Variants in UNC80 observed in about 807,000 individuals in gnomAD.
The protein encoded by UNC80 is unc-80 subunit of NALCN channel complex.
UNC80 carries 164 observed loss-of-function variants against 384.6 expected under a neutral mutation model. The ratio of observed to expected loss-of-function variants is 0.43; its 90% CI spans 0.38 to 0.49. UNC80 has a LOEUF of 0.49. Ranked by LOEUF, UNC80 falls within the 20% of genes least tolerant of loss-of-function variation. The pLI is 0.00. For synonymous variants in UNC80, 1,486 were observed against 1,527.8 expected, an observed-to-expected ratio of 0.97 and a Z score of 0.64; for missense variants, 3,330 against 4,143.0, an observed-to-expected ratio of 0.80 and a Z score of 5.39.
At chr2:209,904,032 A>G (rs2087870318) in intron 28 of UNC80, among the ~76,000 whole-genome samples, 1 of 152,182 alleles carries the variant, frequency 6.6e-6, no homozygotes, top group Non-Finnish European at 1.5e-5. Flanking sequence ...GCCTTTTAAG[A>G]AAAGCTCCTT....
In UNC80 at chr2:209,976,060, G is replaced by A. The variant is rs915603984; in HGVS notation, c.8588-59G>A. On this transcript the variant is annotated intron_variant, in intron 56 of 64. Transcript: ENST00000673920. This position sits in a 1 kb window ranked among gnomAD's most constrained non-coding sequence, Gnocchi z 4.3. ...GGTGCATAAAGGGCTCTGGATGTAGGTTGGGTTCCTCGGAAGCACACGTCC... is the reference window on the plus strand; with the variant it reads ...GGTGCATAAAGGGCTCTGGATGTAGATTGGGTTCCTCGGAAGCACACGTCC... The A allele has an allele frequency of 6.7e-7, 1 of 1,495,156 alleles. No homozygotes were observed. The highest frequency in any genetic ancestry group is 8.9e-7 in the Non-Finnish European group (1 of 1,121,640). 92.6% of individuals were successfully genotyped at this position (1,495,156 alleles called of 1,614,324 possible).
At chr2:209,772,974 G>A in intron 1 of UNC80, 120 bp from the exon 2 acceptor site, 1 of 780,490 alleles carries the variant, frequency 1.3e-6, no homozygotes, top group South Asian at 1.8e-5. Flanking sequence ...AAAGCTATAA[G>A]GAAGCATGAA....
chr2:209,873,050 T>A lies in UNC80; in HGVS notation c.3840+80T>A, dbSNP rs1446147270. The A allele has an allele frequency of 6.8e-6, 9 of 1,329,294 alleles. No homozygotes were observed. The East Asian group carries it at 2.0e-4, about 30-fold the overall frequency. 82.3% of individuals were successfully genotyped at this position (1,329,294 alleles called of 1,614,324 possible). On this transcript the variant is annotated intron_variant, in intron 23 of 64. Coordinates refer to ENST00000673920, the MANE Select transcript of UNC80 (RefSeq NM_001371986.1). Reference sequence around the variant, plus strand: ...ATTTTTTGATTGATTGTGTTTGTTTTGAAGACAATTTATTGAGTGTTTGTT... The same window carrying A: ...ATTTTTTGATTGATTGTGTTTGTTTAGAAGACAATTTATTGAGTGTTTGTT...
At chr2:209,893,804 C>A (rs868309016) in intron 26 of UNC80, among the ~76,000 whole-genome samples, 1 of 152,084 alleles carries the variant, frequency 6.6e-6, no homozygotes, top group Non-Finnish European at 1.5e-5. Flanking sequence ...AGTCCCATTT[C>A]GAAAGGAAAG....
chr2:209,779,141 G>A (rs1303014240), intron 4 of UNC80, among the ~76,000 whole-genome samples: 1 of 152,140 alleles, frequency 6.6e-6, no homozygotes, highest in Admixed American at 6.5e-5. Context: ...ATACTTAGTA[G>A]GAAGCACTGC....
intron 37 of UNC80, 77 bp from the exon 38 acceptor site, chr2:209,930,891 G>T: frequency 9.3e-7 from 1 of 1,076,616 alleles, no homozygotes; most frequent in South Asian, 1.6e-5. Flanking sequence ...ACCCAATCCC[G>T]AATTTTCAAG....
At chr2:209,875,986 C>T (rs987523182) in intron 23 of UNC80, among the ~76,000 whole-genome samples, 2 of 152,094 alleles carry the variant, frequency 1.3e-5, no homozygotes, top group Non-Finnish European at 2.9e-5. Context: ...GAGTAGGGCA[C>T]GTTGTACCCA....
chr2:209,978,810 C>T (rs2093078831), intron 59 of UNC80, 102 bp downstream of exon 59: 3 of 1,163,030 alleles, frequency 2.6e-6, no homozygotes, highest in Non-Finnish European at 3.4e-6. Context: ...CTTCTGATCC[C>T]CTAGTCATTT....
intron 28 of UNC80, among the ~76,000 whole-genome samples, chr2:209,898,721 T>C (rs1490785521): frequency 1.3e-5 from 2 of 152,122 alleles, no homozygotes; most frequent in Admixed American, 1.3e-4. Flanking sequence ...ACTCATTCTA[T>C]TTTTTTGTAT....
At chr2:209,937,394 G>A (rs957721241) in intron 41 of UNC80, 135 bp from the exon 42 acceptor site, 1 of 659,234 alleles carries the variant, frequency 1.5e-6, no homozygotes, top group African/African-American at 1.8e-5. Context: ...CCAGAGTGTT[G>A]TTTAGTACAT....
At position 209,913,815 on chromosome 2, in the gene UNC80, C is replaced by A; in HGVS notation, c.4904C>A (p.Ser1635Ter). The A allele has an allele frequency of 6.5e-7, 1 of 1,547,970 alleles. No homozygotes were observed. The highest frequency in any genetic ancestry group is 8.7e-7 in the Non-Finnish European group (1 of 1,144,194). Residue 1635 changes from serine (S) to a stop codon, truncating the protein, a stop_gained, in exon 31 of 65, where the codon TCG becomes TAG. Coordinates refer to ENST00000673920, the MANE Select transcript of UNC80 (RefSeq NM_001371986.1). LOFTEE classifies it high-confidence loss of function. Reference sequence around the variant, plus strand: ...ATCTTTTCCCAGGTGATGAGCTTGTCGCCTGCTCCCTTATCTCTGTTAATC... The same window carrying A: ...ATCTTTTCCCAGGTGATGAGCTTGTAGCCTGCTCCCTTATCTCTGTTAATC... ...KYIRLQVMSLSPAPLSLLIKA... is the reference protein window; with the variant it reads ...KYIRLQVMSL
chr2:209,922,319 C>G lies in UNC80; in HGVS notation c.5598C>G (p.Ser1866=), dbSNP rs1202458489. ...GTCCATCCTGCACCTCCAGCACTTC[C>G]CACAGGAATTATTCCTTCCGCCGCG... The part of the protein sequence containing the change: ...SVSPSCTSST[S]HRNYSFRRGS... The change falls in exon 35 of 65, where the codon TCC becomes TCG. Residue 1866 remains serine (S), a synonymous_variant. Coordinates refer to ENST00000673920, the MANE Select transcript of UNC80 (RefSeq NM_001371986.1). 7 of 1,552,140 alleles carry G rather than the reference C, an allele frequency of 4.5e-6. No homozygotes were observed. Among genetic ancestry groups the G allele is most frequent in the Non-Finnish European group, 6.1e-6 (7 of 1,147,082 alleles).
intron 17 of UNC80, 42 bp from the exon 18 acceptor site, chr2:209,834,870 A>G (rs1232201345): frequency 2.7e-6 from 4 of 1,483,922 alleles, no homozygotes; most frequent in African/African-American, 1.4e-5. Context: ...AAGACTTGCT[A>G]TCCTGCTCTG....
At chr2:209,777,205 T>C (rs2076917213) in intron 3 of UNC80, 53 bp from the exon 4 acceptor site, 1 of 1,516,296 alleles carries the variant, frequency 6.6e-7, no homozygotes, top group African/African-American at 1.4e-5. Flanking sequence ...TTGACATCTA[T>C]TGCCCTGGTC....
At chr2:209,987,687 A>G (rs982357771) in intron 61 of UNC80, among the ~76,000 whole-genome samples, 1 of 152,188 alleles carries the variant, frequency 6.6e-6, no homozygotes, top group Admixed American at 6.5e-5. Context: ...TTTTTAAAAA[A>G]AGATTATAAT....
At chr2:209,977,540 A>G (rs1019436312) in intron 58 of UNC80, among the ~76,000 whole-genome samples, 2 of 152,240 alleles carry the variant, frequency 1.3e-5, no homozygotes, top group African/African-American at 4.8e-5. Context: ...GAGGAAACAG[A>G]CACAGTAGAA....
intron 18 of UNC80, among the ~76,000 whole-genome samples, chr2:209,836,032 C>T (rs998778150): frequency 6.6e-6 from 1 of 152,318 alleles, no homozygotes; most frequent in Admixed American, 6.5e-5. Context: ...TTGCATATGG[C>T]TATAGCCCCA....
chr2:209,993,777 C>A (rs2093435440), intron 63 of UNC80, among the ~76,000 whole-genome samples: 1 of 152,106 alleles, frequency 6.6e-6, no homozygotes, highest in Admixed American at 6.5e-5. Flanking sequence ...ACTTTTAAGT[C>A]CTGTTGGCAG....
intron 14 of UNC80, 136 bp from the exon 15 acceptor site, chr2:209,829,096 C>G: frequency 1.1e-6 from 1 of 940,858 alleles, no homozygotes; most frequent in African/African-American, 1.7e-5. Context: ...ACAAGAGGGG[C>G]TAGCAGGGTT....
Sources: gnomAD v4.1 joint callset for allele counts (sites outside exome capture counted in the v4.1 genomes callset) on GRCh38, gnomAD v4.1.1 for gene constraint, Gnocchi (gnomAD v3.1) non-coding constraint, MANE v1.5 for transcripts, NCBI Gene and HGNC (gene_info 2026-07-23, HGNC 2026-07-21) for gene names.